EPS8: variants seen among roughly 807,000 people sequenced by gnomAD.
EPS8 encodes the protein EGFR pathway substrate 8, signaling adaptor, also known as epidermal growth factor receptor kinase substrate 8.
EPS8 carries 42 observed loss-of-function variants against 103.8 expected under a neutral mutation model. The observed-to-expected ratio is 0.40, with a 90% CI of 0.32 to 0.52. The LOEUF is 0.52. Ranked by LOEUF, EPS8 falls within the 20% of genes least tolerant of loss-of-function variation. The pLI, the probability that EPS8 is intolerant of heterozygous loss-of-function variation, is 0.40. For missense variants in EPS8, 969 were observed against 1,005.1 expected (o/e 0.96, Z 0.49); for synonymous variants, 344 against 344.6 (o/e 1.00, Z 0.02).
rs186724224 is a variant in EPS8, at chr12:15,675,009, A to C, written c.137-4086T>G. Among the ~76,000 whole-genome samples, 61 of 152,318 alleles carry C rather than the reference A, an allele frequency of 4.0e-4. 1 individual carries two copies. The highest frequency in any genetic ancestry group is 1.1e-3 in the Admixed American group (17 of 15,306). On this transcript the variant is annotated intron_variant, in intron 3 of 20. Coordinates refer to ENST00000281172, the MANE Select transcript of EPS8 (RefSeq NM_004447.6). ...AATTAAACAGAGAGACTAGCTCCAA[A>C]CCAAGATCAGGAGATAGACAAGAAG...
intron 16 of EPS8, 70 bp from the exon 17 acceptor site, chr12:15,640,916 C>T: frequency 6.9e-7 from 1 of 1,455,944 alleles, no homozygotes; most frequent in Admixed American, 2.0e-5. Flanking sequence ...GTTCCCTAGA[C>T]TTCAACAAAG....
At chr12:15,631,330 A>G in intron 18 of EPS8, 112 bp downstream of exon 18, 1 of 1,458,266 alleles carries the variant, frequency 6.9e-7, no homozygotes, top group Non-Finnish European at 9.3e-7. Context: ...TCTATTAAGT[A>G]CCATGCAAGT....
chr12:15,658,668 C>A, intron 10 of EPS8, 83 bp from the exon 11 acceptor site: 2 of 920,902 alleles, frequency 2.2e-6, no homozygotes, highest in South Asian at 1.4e-5. Context: ...ACATTTATGT[C>A]TGTAAAGTTT....
At chr12:15,740,369 AC>A (rs1164264226) in intron 1 of EPS8, among the ~76,000 whole-genome samples, 1 of 151,930 alleles carries the variant, frequency 6.6e-6, no homozygotes, top group Non-Finnish European at 1.5e-5. Context: ...ACATGGTGAA[AC>A]CCCGTCTCTA....
At chr12:15,774,606 AATAT>A (rs201235593) in intron 1 of EPS8, among the ~76,000 whole-genome samples, 1 of 147,792 alleles carries the variant, frequency 6.8e-6, no homozygotes, top group Non-Finnish European at 1.5e-5. Flanking sequence ...ACACATATAA[AATAT>A]ATATACATAT....
Position 15,650,808 on chromosome 12 carries a change from TA to T in EPS8, c.1434+14del, listed in dbSNP as rs750651749. The T allele has an allele frequency of 1.1e-3, 1,455 of 1,381,874 alleles. 1 individual carries two copies. The highest frequency in any genetic ancestry group is 4.7e-3 in the African/African-American group (326 of 69,158). 85.6% of individuals were successfully genotyped at this position (1,381,874 alleles called of 1,614,324 possible). ...TTACACTGTCTACAGAGGGCAATGT[TA>T]AAAAAAAAACTACCTCTGTGGATAA... On this transcript the variant is annotated intron_variant, in intron 14 of 20. Coordinates refer to ENST00000281172, the MANE Select transcript of EPS8 (RefSeq NM_004447.6).
At chr12:15,623,373 C>A in intron 19 of EPS8, 86 bp from the exon 20 acceptor site, 1 of 1,242,920 alleles carries the variant, frequency 8.0e-7, no homozygotes, top group Non-Finnish European at 1.1e-6. Flanking sequence ...CTGCTAGTAA[C>A]TTCTCTTTTC....
At chr12:15,645,568 T>A (rs1591815929) in intron 15 of EPS8, among the ~76,000 whole-genome samples, 1 of 152,136 alleles carries the variant, frequency 6.6e-6, no homozygotes, top group Non-Finnish European at 1.5e-5. Context: ...AAATGAAAGG[T>A]ATACTGCCCT....
At chr12:15,703,657 GAGATGGT>G (rs1015884863) in intron 1 of EPS8, among the ~76,000 whole-genome samples, 2 of 151,510 alleles carry the variant, frequency 1.3e-5, no homozygotes, top group Admixed American at 1.3e-4. Context: ...AATCTTTTAG[GAGATGGT>G]AAGGAGTAAC....
intron 1 of EPS8, among the ~76,000 whole-genome samples, chr12:15,726,122 A>G (rs1946650375): frequency 6.6e-6 from 1 of 152,212 alleles, no homozygotes; most frequent in South Asian, 2.1e-4. Flanking sequence ...TCCTCCAGAA[A>G]GCCTTTGTGG....
chr12:15,677,549 T>C (rs73054921), intron 3 of EPS8, among the ~76,000 whole-genome samples: 23,257 of 152,270 alleles, frequency 0.15, 2,248 homozygotes, highest in Admixed American at 0.24. Context: ...AAGATGTTCA[T>C]GTACCACCCA....
At chr12:15,705,370 T>G (rs1946371557) in intron 1 of EPS8, among the ~76,000 whole-genome samples, 1 of 152,294 alleles carries the variant, frequency 6.6e-6, no homozygotes, top group African/African-American at 2.4e-5. Flanking sequence ...CTCAAAAAAT[T>G]TTCAGTGTCT....
chr12:15,663,653 G>A (rs1945646491), intron 8 of EPS8, among the ~76,000 whole-genome samples: 1 of 151,858 alleles, frequency 6.6e-6, no homozygotes, highest in Non-Finnish European at 1.5e-5. Context: ...AGCAGGGCAT[G>A]GTGGCTCACG....
At chr12:15,774,397 G>A (rs1316823784) in intron 1 of EPS8, among the ~76,000 whole-genome samples, 4 of 141,688 alleles carry the variant, frequency 2.8e-5, no homozygotes, top group African/African-American at 1.1e-4. Flanking sequence ...TTACTCTTCA[G>A]TTAGGTAGAC....
chr12:15,636,210 T>C (rs1945131357), intron 17 of EPS8, among the ~76,000 whole-genome samples: 1 of 152,122 alleles, frequency 6.6e-6, no homozygotes, highest in African/African-American at 2.4e-5. Flanking sequence ...TGGATGTCCA[T>C]CTGCTGCCCA....
chr12:15,662,877 A>G (rs1231817299), intron 8 of EPS8, among the ~76,000 whole-genome samples: 1 of 152,012 alleles, frequency 6.6e-6, no homozygotes, highest in African/African-American at 2.4e-5. Flanking sequence ...TGGAAATACA[A>G]CTCATGATAC....
chr12:15,712,986 G>T, intron 1 of EPS8: 22 of 985,318 alleles, frequency 2.2e-5, no homozygotes, highest in Non-Finnish European at 2.4e-5. Flanking sequence ...CGTCAGTTTC[G>T]GCATTGTACT....
chr12:15,719,119 G>A (rs1946565676), intron 1 of EPS8, among the ~76,000 whole-genome samples: 1 of 151,898 alleles, frequency 6.6e-6, no homozygotes, highest in Admixed American at 6.6e-5. Context: ...AAAAAATCAG[G>A]GGAAATGCCC....
At chr12:15,670,704 T>C (rs1367677442) in intron 4 of EPS8, 152 bp downstream of exon 4, 2 of 539,078 alleles carry the variant, frequency 3.7e-6, no homozygotes, top group East Asian at 6.0e-5. Context: ...ATACTTTATA[T>C]GTAATATCTG....
Sources: gnomAD v4.1 joint callset for allele counts (sites outside exome capture counted in the v4.1 genomes callset) on GRCh38, gnomAD v4.1.1 for gene constraint, MANE v1.5 for transcripts, NCBI Gene and HGNC (gene_info 2026-07-23, HGNC 2026-07-21) for gene names.